Variants in DPP9 observed in about 807,000 individuals in gnomAD.
DPP9 encodes the protein dipeptidyl peptidase IV-related protein-2.
Under a neutral mutation model 110.7 loss-of-function variants are expected in DPP9, and 50 were observed. The ratio of observed to expected loss-of-function variants is 0.45; its 90% CI spans 0.36 to 0.57. The LOEUF (loss-of-function observed/expected upper bound fraction) is 0.57, where lower values mean the gene tolerates loss of function less well. Ranked by LOEUF, DPP9 falls within the 20% of genes least tolerant of loss-of-function variation. DPP9 has a pLI of 0.00. For synonymous variants in DPP9, 561 were observed against 514.4 expected, an observed-to-expected ratio of 1.09 and a Z score of -1.23; for missense variants, 1,022 against 1,217.9, an observed-to-expected ratio of 0.84 and a Z score of 2.39.
At chr19:4,696,704 A>G (rs58073601) in intron 11 of DPP9, among the ~76,000 whole-genome samples, 13,216 of 151,910 alleles carry the variant, frequency 0.087, 1,141 homozygotes, top group African/African-American at 0.23. Context: ...AGCCAAGATC[A>G]TACCACTGCA....
chr19:4,690,770 T>C (rs534540219), intron 14 of DPP9, 108 bp downstream of exon 14: 28 of 867,882 alleles, frequency 3.2e-5, no homozygotes, highest in Middle Eastern at 3.3e-4. Context: ...TGAGAATGAG[T>C]ATGTGTGTGA....
intron 2 of DPP9, 59 bp from the exon 3 acceptor site, chr19:4,720,000 C>A (rs1168778279): frequency 7.0e-7 from 1 of 1,422,676 alleles, no homozygotes; most frequent in Non-Finnish European, 9.6e-7. Context: ...GGGGAGTGGG[C>A]GCTCCTGCCC....
At position 4,689,602 on chromosome 19, in the gene DPP9, G is replaced by T; in HGVS notation, c.1717C>A (p.Pro573Thr). The change falls in exon 15 of 22, where the codon CCC becomes ACC. Residue 573 changes from proline (P) to threonine (T), a missense_variant. By Grantham distance (38) the Pro-to-Thr change is conservative. Transcript: ENST00000262960. The surrounding 1 kb of genome is among the most constrained non-coding windows in gnomAD (Gnocchi z 7.0). ...ATGGAGCAGCTATGGGAGAAGCCGG[G>T]CGTGGTGAGGCGTACGATCTCGCCG... ...AAGEIVRLTT[P>T]GFSHSCSMSQ... 1 of 1,572,356 alleles carries T rather than the reference G, an allele frequency of 6.4e-7. No homozygotes were observed. The highest frequency in any genetic ancestry group is 8.6e-7 in the Non-Finnish European group (1 of 1,160,164).
At position 4,694,442 on chromosome 19, in the gene DPP9, G is replaced by A. The variant is rs2091611153; in HGVS notation, c.1516+219C>T. The A allele has an allele frequency of 3.2e-6, 2 of 622,432 alleles. No individual in the cohort carries two copies. Among genetic ancestry groups the A allele is most frequent in the East Asian group, 5.6e-5 (2 of 35,568 alleles). The allele number at this position is 622,432 out of a possible 1,614,324, so 38.6% of individuals were successfully genotyped here. On this transcript the variant is annotated intron_variant, in intron 13 of 21. Coordinates refer to ENST00000262960, the MANE Select transcript of DPP9 (RefSeq NM_139159.5). The surrounding 1 kb of genome is among the most constrained non-coding windows in gnomAD (Gnocchi z 4.0). The stretch of plus-strand genomic sequence containing the variant: ...GTGCTAAGGGCCTGGCACAGGGGAG[G>A]TGCTCAGTAAATCTGCTGCCTGAAT...
In DPP9 at chr19:4,710,548, T is replaced by C. The variant is rs997511901; in HGVS notation, c.313+3533A>G. 6.6e-6 allele frequency among the ~76,000 whole-genome samples: 1 copy of C among 152,224 alleles called. No individual in the cohort carries two copies. Among genetic ancestry groups the C allele is most frequent in the Admixed American group, 6.5e-5 (1 of 15,282 alleles). On this transcript the variant is annotated intron_variant, in intron 4 of 21. Coordinates refer to ENST00000262960, the MANE Select transcript of DPP9 (RefSeq NM_139159.5). The surrounding 1 kb of genome is among the most constrained non-coding windows in gnomAD (Gnocchi z 5.6). ...TAGCCTGACGCTGGGGGCTTTATCA[T>C]GTGGATCTGAAAGAGCCTTTCCGGA...
At chr19:4,716,449 A>G (rs985675452) in intron 3 of DPP9, among the ~76,000 whole-genome samples, 11 of 152,254 alleles carry the variant, frequency 7.2e-5, no homozygotes, top group Admixed American at 5.9e-4. Context: ...CATCCTGGCT[A>G]ACACGGTGAA....
Position 4,685,563 on chromosome 19 carries a change from T to G in DPP9, c.2031+63A>C, listed in dbSNP as rs1599875418. On this transcript the variant is annotated intron_variant, in intron 17 of 21. Transcript: ENST00000262960. The surrounding 1 kb of genome is among the most constrained non-coding windows in gnomAD (Gnocchi z 5.8). Reference sequence around the variant, plus strand: ...GACTGTTCTACAGCTGGCACTTGAGTGGGGATGGGGAGTCCTCGGGTGGAT... The same window carrying G: ...GACTGTTCTACAGCTGGCACTTGAGGGGGGATGGGGAGTCCTCGGGTGGAT... The G allele has an allele frequency of 1.4e-6, 2 of 1,478,636 alleles. No homozygotes were observed. The allele number at this position is 1,478,636 out of a possible 1,614,324, so 91.6% of individuals were successfully genotyped here. A position where few individuals can be genotyped will look rare whatever the true frequency, so the allele number is the denominator to read the frequency against.
intron 21 of DPP9, chr19:4,679,555 T>G (rs1351922184): frequency 2.2e-6 from 1 of 453,778 alleles, no homozygotes; most frequent in Non-Finnish European, 4.0e-6. Context: ...GGTTCCTCCC[T>G]CCATTAGGCC....
At chr19:4,689,000 C>T in intron 15 of DPP9, 108 bp from the exon 16 acceptor site, 1 of 1,271,376 alleles carries the variant, frequency 7.9e-7, no homozygotes, top group Non-Finnish European at 1.0e-6. Flanking sequence ...CCCCATCCCT[C>T]TGCCCCTGCC....
chr19:4,679,820 C>G lies in DPP9; in HGVS notation c.2586+15G>C. On this transcript the variant is annotated intron_variant, in intron 21 of 21. Transcript: ENST00000262960. ...TCGGCTCGCGGAGGGGCCGAAGCCCCCAACAGCCACCCACCTGGAGCTGGT... is the reference window on the plus strand; with the variant it reads ...TCGGCTCGCGGAGGGGCCGAAGCCCGCAACAGCCACCCACCTGGAGCTGGT... The G allele has an allele frequency of 3.1e-6, 5 of 1,587,826 alleles. No homozygotes were observed. The highest frequency in any genetic ancestry group is 4.3e-6 in the Non-Finnish European group (5 of 1,166,180).
Position 4,679,880 on chromosome 19 carries a change from G to T in DPP9, c.2541C>A (p.Phe847Leu), listed in dbSNP as rs760668380. 1 of 1,613,636 alleles carries T rather than the reference G, an allele frequency of 6.2e-7. No homozygotes were observed. The highest frequency in any genetic ancestry group is 1.7e-5 in the Admixed American group (1 of 59,990). The change falls in exon 21 of 22, where the codon TTC (phenylalanine) becomes TTA (leucine). Residue 847 changes from phenylalanine to leucine, a missense_variant. This residue lies in a region of DPP9 where 209 missense variants were observed against 280.4 expected (regional missense o/e 0.75). Coordinates refer to ENST00000262960, the MANE Select transcript of DPP9 (RefSeq NM_139159.5). ...CTGCTCGGATCAGTTGGGAGACGAG[G>T]AAGTTTGTGTGGAAAAAGTGCACGT... ...DENVHFFHTN[F>L]LVSQLIRAGK... is the part of the protein sequence containing the mutation.
Position 4,689,365 on chromosome 19 carries a change from A to G in DPP9, c.1749+205T>C, listed in dbSNP as rs1331437913. On this transcript the variant is annotated intron_variant, in intron 15 of 21. Coordinates refer to ENST00000262960, the MANE Select transcript of DPP9 (RefSeq NM_139159.5). This position sits in a 1 kb window ranked among gnomAD's most constrained non-coding sequence, Gnocchi z 7.0. ...CGGGCACTGGGGGGCTCCACCACTT[A>G]CTACCCTGGGATTGGTGGTGGGCAA... Among the ~76,000 whole-genome samples, 1 of 152,152 alleles carries G rather than the reference A, an allele frequency of 6.6e-6. No homozygotes were observed. Among genetic ancestry groups the G allele is most frequent in the Non-Finnish European group, 1.5e-5 (1 of 67,998 alleles).
chr19:4,685,081 C>A lies in DPP9; in HGVS notation c.2032-272G>T. The A allele has an allele frequency of 1.6e-6, 1 of 632,070 alleles. No homozygotes were observed. The highest frequency in any genetic ancestry group is 2.9e-6 in the Non-Finnish European group (1 of 340,260). 39.2% of individuals were successfully genotyped at this position (632,070 alleles called of 1,614,324 possible). A position where few individuals can be genotyped will look rare whatever the true frequency, so the allele number is the denominator to read the frequency against. On this transcript the variant is annotated intron_variant, in intron 17 of 21. Transcript: ENST00000262960. This position sits in a 1 kb window ranked among gnomAD's most constrained non-coding sequence, Gnocchi z 5.8. The stretch of plus-strand genomic sequence containing the variant: ...GTCCTGCCTGGAACAACTACTCTGG[C>A]ATGATGGACATTGGGGTGGCTCCTT...
At position 4,721,400 on chromosome 19, in the gene DPP9, G is replaced by C. The variant is rs116413741; in HGVS notation, c.-36+1099C>G. On this transcript the variant is annotated intron_variant, in intron 2 of 21. Transcript: ENST00000262960. ...TGTGCTTTCTTGGATGCCGTCTAAA[G>C]TCAAAGGGGCCCCTTGTTTGGTTGG... Among the ~76,000 whole-genome samples, 1,436 of 152,308 alleles carry C rather than the reference G, an allele frequency of 9.4e-3. 26 individuals carry two copies. Among genetic ancestry groups the C allele is most frequent in the African/African-American group, 0.032 (1,337 of 41,548 alleles).
chr19:4,692,320 C>A (rs1209107413), intron 13 of DPP9, among the ~76,000 whole-genome samples: 2 of 152,124 alleles, frequency 1.3e-5, no homozygotes, highest in Non-Finnish European at 2.9e-5. Flanking sequence ...CTTTCCTAAC[C>A]TTTTAGGTCT....
At chr19:4,712,428 T>C (rs1006143980) in intron 4 of DPP9, among the ~76,000 whole-genome samples, 6 of 152,064 alleles carry the variant, frequency 3.9e-5, no homozygotes, top group African/African-American at 1.4e-4. Context: ...CACGTGCCTA[T>C]AGTCCCAGCT....
At chr19:4,683,148 C>T (rs762257459) in intron 19 of DPP9, 1 of 1,452,082 alleles carries the variant, frequency 6.9e-7, no homozygotes, top group South Asian at 1.3e-5. Flanking sequence ...CTGACTGCCG[C>T]CGGCCTGGGG....
chr19:4,706,401 G>A (rs990827362), intron 4 of DPP9, among the ~76,000 whole-genome samples: 1 of 151,670 alleles, frequency 6.6e-6, no homozygotes, highest in Non-Finnish European at 1.5e-5. Context: ...GAACAAGAAG[G>A]GCAGTCAGAA....
intron 4 of DPP9, among the ~76,000 whole-genome samples, chr19:4,711,120 G>T (rs772765413): frequency 2.0e-5 from 3 of 152,322 alleles, no homozygotes; most frequent in Middle Eastern, 3.4e-3. Context: ...GGGCAGCGAG[G>T]TGGGGTGGAC....
Sources: allele counts gnomAD v4.1 joint callset (sites outside exome capture counted in the v4.1 genomes callset), GRCh38; gene constraint gnomAD v4.1.1; regional missense constraint gnomAD v4.1.1; non-coding constraint Gnocchi (gnomAD v3.1); transcripts MANE v1.5; gene names NCBI Gene and HGNC (gene_info 2026-07-23, HGNC 2026-07-21).